The following CHLSN variants were observed in gnomAD, a reference collection of about 807,000 sequenced individuals.
The protein encoded by CHLSN is cholesin.
chr7:1,080,123 A>G, the CHLSN span, among the ~76,000 whole-genome samples: 1 of 152,238 alleles, frequency 6.6e-6, no homozygotes, highest in Non-Finnish European at 1.5e-5. Flanking sequence ...GCTGGCAGAA[A>G]CGCAAAACAG....
the CHLSN span, among the ~76,000 whole-genome samples, chr7:1,043,061 G>T: frequency 6.7e-6 from 1 of 148,264 alleles, no homozygotes; most frequent in African/African-American, 2.5e-5. Context: ...AGACCAGCCG[G>T]ACCAACATGG....
the CHLSN span, among the ~76,000 whole-genome samples, chr7:1,053,618 G>C: frequency 6.6e-6 from 1 of 152,134 alleles, no homozygotes; most frequent in African/African-American, 2.4e-5. Flanking sequence ...ACCTGAGGTC[G>C]GGAGTTCGAG....
At chr7:1,057,540 G>A in the CHLSN span, 9 of 772,012 alleles carry the variant, frequency 1.2e-5, no homozygotes, top group Non-Finnish European at 1.7e-5. Flanking sequence ...CTGGTTCAAC[G>A]GCACAGGGCT....
At chr7:1,061,766 C>T in the CHLSN span, among the ~76,000 whole-genome samples, 9 of 151,882 alleles carry the variant, frequency 5.9e-5, no homozygotes, top group Admixed American at 6.6e-5. Context: ...TCCAGGCAGC[C>T]GTCTCCCCAA....
At chr7:1,124,278 T>G in the CHLSN span, among the ~76,000 whole-genome samples, 2 of 151,934 alleles carry the variant, frequency 1.3e-5, no homozygotes, top group Non-Finnish European at 2.9e-5. Flanking sequence ...CCGAGCTGTC[T>G]TGGGGGTGCT....
chr7:1,058,952 G>T, the CHLSN span: 2 of 185,732 alleles, frequency 1.1e-5, no homozygotes, highest in Admixed American at 1.1e-4. Flanking sequence ...CGAAAGAATG[G>T]CAACAGCCAG....
the CHLSN span, among the ~76,000 whole-genome samples, chr7:1,101,553 A>C: frequency 3.3e-5 from 5 of 152,172 alleles, no homozygotes; most frequent in Admixed American, 2.6e-4. Flanking sequence ...ATTCCTGAAC[A>C]ACTTCTAGAG....
At chr7:1,109,662 G>C in the CHLSN span, among the ~76,000 whole-genome samples, 1 of 151,800 alleles carries the variant, frequency 6.6e-6, no homozygotes, top group African/African-American at 2.4e-5. Context: ...CCCGCCCGCC[G>C]GGCCCTCCCC....
the CHLSN span, among the ~76,000 whole-genome samples, chr7:1,012,461 G>A: frequency 7.2e-5 from 11 of 152,244 alleles, no homozygotes; most frequent in South Asian, 4.1e-4. Context: ...CTGAGCGCCC[G>A]GTGCAGGGCT....
At chr7:995,291 G>A in the CHLSN span, among the ~76,000 whole-genome samples, 1 of 152,244 alleles carries the variant, frequency 6.6e-6, no homozygotes, top group African/African-American at 2.4e-5. Flanking sequence ...TCTTTCGCCA[G>A]GGAGCCCTGA....
the CHLSN span, chr7:984,706 G>A: frequency 3.7e-6 from 5 of 1,338,828 alleles, no homozygotes; most frequent in South Asian, 1.4e-5. Flanking sequence ...CTGGGCCTCC[G>A]GGCTGGTGCT....
the CHLSN span, among the ~76,000 whole-genome samples, chr7:994,308 C>A: frequency 1.3e-5 from 2 of 152,128 alleles, no homozygotes; most frequent in South Asian, 2.1e-4. Context: ...CTACAGGCGC[C>A]CACCACCACA....
the CHLSN span, among the ~76,000 whole-genome samples, chr7:1,066,120 G>T: frequency 6.6e-6 from 1 of 152,238 alleles, no homozygotes; most frequent in African/African-American, 2.4e-5. Flanking sequence ...GGCAGCCGGC[G>T]GCTGGAGGAC....
At chr7:1,016,471 AGCAGCACAGCAGCACAC>A in the CHLSN span, among the ~76,000 whole-genome samples, 4 of 119,800 alleles carry the variant, frequency 3.3e-5, no homozygotes, top group Non-Finnish European at 6.7e-5. Flanking sequence ...GCCAGCACAT[AGCAGCACAGCAGCACAC>A]AGCAGCGCAC....
chr7:1,018,136 T>C, the CHLSN span, among the ~76,000 whole-genome samples: 1 of 152,094 alleles, frequency 6.6e-6, no homozygotes, highest in Non-Finnish European at 1.5e-5. Context: ...GCTCTCTCCA[T>C]TGAGCCCTGG....
At chr7:1,035,559 C>T in the CHLSN span, among the ~76,000 whole-genome samples, 2 of 152,202 alleles carry the variant, frequency 1.3e-5, no homozygotes, top group African/African-American at 2.4e-5. Context: ...CATCCTTTGA[C>T]GTGAGGGAGC....
the CHLSN span, among the ~76,000 whole-genome samples, chr7:1,124,663 T>C: frequency 6.7e-6 from 1 of 149,598 alleles, no homozygotes; most frequent in Non-Finnish European, 1.5e-5. Context: ...TGTATACATA[T>C]GTAACTAACC....
the CHLSN span, chr7:1,009,966 G>C: frequency 6.4e-7 from 1 of 1,563,780 alleles, no homozygotes. Context: ...AGGTAGTCCA[G>C]GGCCAGTTCG....
chr7:1,106,588 C>T, the CHLSN span, among the ~76,000 whole-genome samples: 1 of 152,186 alleles, frequency 6.6e-6, no homozygotes, highest in Non-Finnish European at 1.5e-5. Flanking sequence ...AGCAAAAAGG[C>T]AGGCAGGCGG....
Sources: allele counts gnomAD v4.1 joint callset (sites outside exome capture counted in the v4.1 genomes callset), GRCh38; gene constraint gnomAD v4.1.1; transcripts MANE v1.5; gene names NCBI Gene and HGNC (gene_info 2026-07-23, HGNC 2026-07-21).